The following CTCFL variants were observed in gnomAD, a reference collection of about 807,000 sequenced individuals.
CTCFL encodes transcriptional repressor CTCFL.
Under a neutral mutation model 67.4 loss-of-function variants are expected in CTCFL, and 36 were observed. The ratio of observed to expected loss-of-function variants is 0.53; its 90% CI spans 0.41 to 0.71. The LOEUF (loss-of-function observed/expected upper bound fraction) is 0.71, where lower values mean the gene tolerates loss of function less well. Among genes scored for constraint, CTCFL ranks in the 30% least tolerant of loss-of-function variants. CTCFL has a pLI of 0.00. For synonymous variants in CTCFL, 324 were observed against 302.3 expected (o/e 1.07, Z -0.75); for missense variants, 786 against 835.2 (o/e 0.94, Z 0.73).
chr20:57,503,730 C>A lies in CTCFL; in HGVS notation c.1675-129G>T, dbSNP rs116867886. 3.1e-4 allele frequency: 281 copies of A among 900,420 alleles called. 1 individual carries two copies. In the East Asian group the frequency reaches 6.6e-3, roughly 21 times the overall value. The allele number at this position is 900,420 out of a possible 1,614,324, so 55.8% of individuals were successfully genotyped here. On this transcript the variant is annotated intron_variant, in intron 9 of 10. Transcript: ENST00000243914. ...GAGTTCTTTCGAGGGCAATTCCACA[C>A]ACCTCGCTAGCCCTAAGAAGTAAAT...
chr20:57,511,678 G>A (rs939090525), intron 8 of CTCFL, among the ~76,000 whole-genome samples: 1 of 149,100 alleles, frequency 6.7e-6, no homozygotes, highest in African/African-American at 2.5e-5. Context: ...TGCAACCTCT[G>A]CCTCCCAGGT....
At chr20:57,513,554 A>C (rs2068701174) in intron 7 of CTCFL, 1 of 1,110,260 alleles carries the variant, frequency 9.0e-7, no homozygotes, top group Non-Finnish European at 1.1e-6. Context: ...GATATAAACC[A>C]TGTTACTTTG....
intron 9 of CTCFL, chr20:57,507,326 G>T: frequency 2.2e-6 from 1 of 463,652 alleles, no homozygotes; most frequent in South Asian, 2.4e-5. Context: ...CAAGTAGCTG[G>T]GATTACAAGC....
At chr20:57,518,455 G>A in intron 5 of CTCFL, 1 of 1,254,232 alleles carries the variant, frequency 8.0e-7, no homozygotes, top group Non-Finnish European at 1.1e-6. Flanking sequence ...GTGGCCCAGA[G>A]TACTAGATAA....
In CTCFL at chr20:57,497,605, C is replaced by T; in HGVS notation, c.*945G>A. On this transcript the variant is annotated 3_prime_UTR_variant, in exon 11 of 11. Coordinates refer to ENST00000243914, the MANE Select transcript of CTCFL (RefSeq NM_001386993.1). ...TCACGCTGCTCGAGGGTGGAAAAAT[C>T]TTGTCAACTGGCAAAAGGGAAATAC... 1 of 985,418 alleles carries T rather than the reference C, an allele frequency of 1.0e-6. No homozygotes were observed. The highest frequency in any genetic ancestry group is 4.7e-5 in the South Asian group (1 of 21,290). The allele number at this position is 985,418 out of a possible 1,614,324, so 61.0% of individuals were successfully genotyped here.
In CTCFL at chr20:57,523,126, T is replaced by A; in HGVS notation, c.696A>T (p.Thr232=). Residue 232 remains threonine (T), a synonymous_variant, in exon 3 of 11, where the codon ACA becomes ACT. Coordinates refer to ENST00000243914, the MANE Select transcript of CTCFL (RefSeq NM_001386993.1). ...SNVEEQEDQP[T]AGQADAEKAK... Reference sequence around the variant, plus strand: ...CCTTTTCAGCATCTGCTTGACCAGCTGTAGGTTGATCCTCTTGTTCTTCCA... The same window carrying A: ...CCTTTTCAGCATCTGCTTGACCAGCAGTAGGTTGATCCTCTTGTTCTTCCA... 1.2e-6 allele frequency: 2 copies of A among 1,614,054 alleles called. No homozygotes were observed. The highest frequency in any genetic ancestry group is 1.7e-6 in the Non-Finnish European group (2 of 1,180,016).
intron 10 of CTCFL, among the ~76,000 whole-genome samples, chr20:57,502,512 C>T (rs1483399491): frequency 1.3e-5 from 2 of 152,004 alleles, no homozygotes; most frequent in African/African-American, 2.4e-5. Flanking sequence ...TGGGAACATT[C>T]GCAATGCAGG....
rs556273472 is a variant in CTCFL, at chr20:57,501,730, G to A, written c.1840+1706C>T. 1.2e-4 allele frequency among the ~76,000 whole-genome samples: 18 copies of A among 152,300 alleles called. No homozygotes were observed. In the South Asian group the frequency reaches 3.5e-3, roughly 30 times the overall value. On this transcript the variant is annotated intron_variant, in intron 10 of 10. Transcript: ENST00000243914. ...GGGAGTGGGATGACACAGGAATGCC[G>A]GGGCAGCGGGCAGCAGAGCCCATCT...
Position 57,523,259 on chromosome 20 carries a change from T to A in CTCFL, c.563A>T (p.Lys188Met), listed in dbSNP as rs146560816. ...TGTTCTTTCAGCCAATAACTGGTTC[T>A]TCTCCTGCTCTTCCTCGAGCTAATA... is the stretch of plus-strand genomic sequence containing the variant. ...GLIKLEEEQEKNQLLAERTKE... is the reference protein window; with the variant it reads ...GLIKLEEEQEMNQLLAERTKE... The change falls in exon 3 of 11, where the codon AAG becomes ATG. Residue 188 changes from lysine (K) to methionine (M), a missense_variant. By Grantham distance (95) the Lys-to-Met change is moderately conservative. This residue lies in a region of CTCFL where 333 missense variants were observed against 304.6 expected (regional missense o/e 1.09). Transcript: ENST00000243914. 7.6e-3 allele frequency: 12,284 copies of A among 1,613,786 alleles called. 62 individuals carry two copies. Among genetic ancestry groups the A allele is most frequent in the Middle Eastern group, 0.014 (85 of 6,042 alleles).
intron 7 of CTCFL, chr20:57,514,016 T>A (rs943164584): frequency 1.7e-5 from 11 of 646,086 alleles, no homozygotes; most frequent in African/African-American, 3.8e-5. Context: ...CCTCTCCCAC[T>A]CTGTGGGGTG....
chr20:57,514,912 T>A (rs1181659651), intron 6 of CTCFL, 171 bp from the exon 7 acceptor site: 4 of 654,322 alleles, frequency 6.1e-6, no homozygotes, highest in African/African-American at 5.5e-5. Context: ...ACAGCTTATG[T>A]CAAGTACAGC....
chr20:57,515,969 G>GA lies in CTCFL; in HGVS notation c.1060-136dup, dbSNP rs1181324730. The GA allele has an allele frequency of 8.1e-6, 8 of 982,490 alleles. No individual in the cohort carries two copies. The African/African-American group carries it at 1.3e-4, about 16-fold the overall frequency. 60.9% of individuals were successfully genotyped at this position (982,490 alleles called of 1,614,324 possible). A position where few individuals can be genotyped will look rare whatever the true frequency, so the allele number is the denominator to read the frequency against. ...AGCACCAGAGCATATTTCACTCACT[G>GA]AAAAAACATGAAAAAGTCATCACTT... On this transcript the variant is annotated intron_variant, in intron 5 of 10. Coordinates refer to ENST00000243914, the MANE Select transcript of CTCFL (RefSeq NM_001386993.1).
At chr20:57,504,203 C>T (rs1389625403) in intron 9 of CTCFL, among the ~76,000 whole-genome samples, 2 of 151,412 alleles carry the variant, frequency 1.3e-5, no homozygotes, top group Non-Finnish European at 3.0e-5. Context: ...GTCTCGATCT[C>T]CTGATATTGT....
Position 57,508,800 on chromosome 20 carries a change from G to A in CTCFL, c.1492-12C>T. ...GTCATATGACGTTCCTAAGAGGGAA[G>A]GGGAAGAAAGCAGCTTGTCTAGTTC... On this transcript the variant is annotated splice_polypyrimidine_tract_variant and intron_variant, in intron 8 of 10. Transcript: ENST00000243914. The A allele has an allele frequency of 6.2e-7, 1 of 1,612,508 alleles. No individual in the cohort carries two copies. The highest frequency in any genetic ancestry group is 8.5e-7 in the Non-Finnish European group (1 of 1,178,832).
At chr20:57,509,202 A>G (rs1473294308) in intron 8 of CTCFL, among the ~76,000 whole-genome samples, 1 of 152,186 alleles carries the variant, frequency 6.6e-6, no homozygotes, top group Non-Finnish European at 1.5e-5. Context: ...TAAATTCAGC[A>G]GACCTTTGGG....
At position 57,503,554 on chromosome 20, in the gene CTCFL, C is replaced by A; in HGVS notation, c.1722G>T (p.Lys574Asn). 6.2e-7 allele frequency: 1 copy of A among 1,614,152 alleles called. No homozygotes were observed. The highest frequency in any genetic ancestry group is 8.5e-7 in the Non-Finnish European group (1 of 1,180,020). The change falls in exon 10 of 11, where the codon AAG (lysine) becomes AAT (asparagine). Residue 574 changes from lysine to asparagine, a missense_variant. Physicochemically the swap from Lys to Asn is moderately conservative, Grantham distance 94. Transcript: ENST00000243914. The stretch of plus-strand genomic sequence containing the variant: ...TTCTTCCCTTTCCTGAAGCAGCCGA[C>A]TTTGCTTCCCCTGATCCACACTTCT... ...HSEKCGSGEA[K>N]SAASGKGRRT...
At chr20:57,499,861 G>T in intron 10 of CTCFL, 2 of 591,334 alleles carry the variant, frequency 3.4e-6, no homozygotes, top group Non-Finnish European at 4.2e-6. Context: ...CCGATGGGGA[G>T]CGGCTGTCAA....
intron 8 of CTCFL, among the ~76,000 whole-genome samples, chr20:57,509,767 A>G (rs538960593): frequency 5.9e-5 from 9 of 152,110 alleles, no homozygotes; most frequent in Non-Finnish European, 8.8e-5. Context: ...CCAATTCACT[A>G]AACACCCTCT....
At chr20:57,514,802 G>A (rs2068796914) in intron 6 of CTCFL, 61 bp from the exon 7 acceptor site, 1 of 1,504,496 alleles carries the variant, frequency 6.6e-7, no homozygotes, top group Non-Finnish European at 8.9e-7. Flanking sequence ...AAGGCCACCT[G>A]TGCTGAAAGT....
Sources: gnomAD v4.1 joint callset for allele counts (sites outside exome capture counted in the v4.1 genomes callset) on GRCh38, gnomAD v4.1.1 for gene constraint, gnomAD v4.1.1 regional missense constraint, MANE v1.5 for transcripts, NCBI Gene and HGNC (gene_info 2026-07-23, HGNC 2026-07-21) for gene names.